The following PITPNM2 variants were observed in gnomAD, a reference collection of about 807,000 sequenced individuals.
The protein encoded by PITPNM2 is phosphatidylinositol transfer protein membrane associated 2, also known as membrane-associated phosphatidylinositol transfer protein 2.
Under a neutral mutation model 132.2 loss-of-function variants are expected in PITPNM2, and 35 were observed. That is an observed-to-expected ratio of 0.26 (90% CI 0.20 to 0.35). The LOEUF is 0.35. Among genes scored for constraint, PITPNM2 ranks in the 10% least tolerant of loss-of-function variants. PITPNM2 has a pLI of 1.00. For synonymous variants in PITPNM2, 738 were observed against 799.2 expected, an observed-to-expected ratio of 0.92 and a Z score of 1.29; for missense variants, 1,332 against 1,912.0, an observed-to-expected ratio of 0.70 and a Z score of 5.66.
rs1566226133 is a variant in PITPNM2, at chr12:122,985,913, CCCTGGGA to C, written c.*107_*113del. Reference sequence around the variant, plus strand: ...GGTGCGGCCCGTGTCCTCCACAAGGCCCTGGGACAATCTCCCAGGCCCACGTCAGTGC... The same window carrying C: ...GGTGCGGCCCGTGTCCTCCACAAGGCCAATCTCCCAGGCCCACGTCAGTGC... On this transcript the variant is annotated 3_prime_UTR_variant, in exon 26 of 26. Transcript: ENST00000320201. 9.9e-7 allele frequency: 1 copy of C among 1,011,778 alleles called. No homozygotes were observed. The highest frequency in any genetic ancestry group is 1.3e-6 in the Non-Finnish European group (1 of 755,150). The allele number at this position is 1,011,778 out of a possible 1,614,324, so 62.7% of individuals were successfully genotyped here. A position where few individuals can be genotyped will look rare whatever the true frequency, so the allele number is the denominator to read the frequency against.
At chr12:123,044,714 A>G (rs2040597454) in intron 2 of PITPNM2, among the ~76,000 whole-genome samples, 1 of 152,182 alleles carries the variant, frequency 6.6e-6, no homozygotes, top group Admixed American at 6.5e-5. Flanking sequence ...TACTTCAGTG[A>G]TTCAGTTCCT....
intron 2 of PITPNM2, among the ~76,000 whole-genome samples, chr12:123,047,937 A>G (rs1034182900): frequency 1.3e-5 from 2 of 152,110 alleles, no homozygotes; most frequent in Admixed American, 1.3e-4. Context: ...CGTATCTACT[A>G]AAAATACAAA....
chr12:123,077,176 CCAGA>C lies in PITPNM2; in HGVS notation c.-96+33205_-96+33208del, dbSNP rs890013781. 5.9e-5 allele frequency among the ~76,000 whole-genome samples: 9 copies of C among 152,302 alleles called. No individual in the cohort carries two copies. Among genetic ancestry groups the C allele is most frequent in the Admixed American group, 2.6e-4 (4 of 15,298 alleles). ...GGCTGTCCCAAACAGATGGTGCTATCCAGACAGACACACTGGCAGGGCCGCTCTG... is the reference window on the plus strand; with the variant it reads ...GGCTGTCCCAAACAGATGGTGCTATCCAGACACACTGGCAGGGCCGCTCTG... On this transcript the variant is annotated intron_variant, in intron 2 of 25. Coordinates refer to ENST00000320201, the MANE Select transcript of PITPNM2 (RefSeq NM_020845.3). This position sits in a 1 kb window ranked among gnomAD's most constrained non-coding sequence, Gnocchi z 4.8.
intron 2 of PITPNM2, chr12:123,081,952 T>C (rs2041978654): frequency 6.6e-6 from 1 of 152,246 alleles, no homozygotes; most frequent in Non-Finnish European, 1.5e-5. Context: ...AACCACTAAG[T>C]AAAGCATCAT....
At chr12:123,119,355 ATTT>A (rs57829614) in intron 1 of PITPNM2, among the ~76,000 whole-genome samples, 5 of 129,296 alleles carry the variant, frequency 3.9e-5, no homozygotes, top group Non-Finnish European at 3.3e-5. Context: ...GAGGATGGTG[ATTT>A]TTTTTTTTTT....
intron 2 of PITPNM2, among the ~76,000 whole-genome samples, chr12:123,103,082 C>T (rs765814631): frequency 1.3e-5 from 2 of 152,212 alleles, no homozygotes; most frequent in Non-Finnish European, 2.9e-5. Flanking sequence ...TACCACCACA[C>T]CAGGCTAACT....
intron 1 of PITPNM2, among the ~76,000 whole-genome samples, chr12:123,129,733 C>G (rs2043221883): frequency 6.6e-6 from 1 of 151,806 alleles, no homozygotes; most frequent in Non-Finnish European, 1.5e-5. Flanking sequence ...CATAATGAGT[C>G]CTGTGCTGGG....
In PITPNM2 at chr12:123,010,070, G is replaced by A. The variant is rs79081978; in HGVS notation, c.423C>T (p.Ile141=). ...VEKNQLTIDF[I]DIVKDPVPHN... ...GGGGCACAGGGTCTTTGACAATGTC[G>A]ATGAAGTCTGTGGGTAAACCCTTAG... Residue 141 remains isoleucine, a synonymous_variant, in exon 6 of 26, where the codon ATC becomes ATT. Coordinates refer to ENST00000320201, the MANE Select transcript of PITPNM2 (RefSeq NM_020845.3). 7.4e-6 allele frequency: 12 copies of A among 1,613,194 alleles called. No individual in the cohort carries two copies. In the East Asian group the frequency reaches 1.1e-4, roughly 15 times the overall value.
intron 2 of PITPNM2, among the ~76,000 whole-genome samples, chr12:123,102,427 A>C (rs2042583846): frequency 6.6e-6 from 1 of 152,242 alleles, no homozygotes; most frequent in African/African-American, 2.4e-5. Context: ...AGTAATTTCC[A>C]AGTTGTCATT....
At chr12:123,029,235 T>C (rs2039984121) in intron 3 of PITPNM2, among the ~76,000 whole-genome samples, 1 of 152,210 alleles carries the variant, frequency 6.6e-6, no homozygotes, top group African/African-American at 2.4e-5. Context: ...CCTGTGGACC[T>C]CAATTTCCCC....
intron 2 of PITPNM2, among the ~76,000 whole-genome samples, chr12:123,105,930 C>T (rs2042699242): frequency 1.3e-5 from 2 of 152,182 alleles, no homozygotes; most frequent in Admixed American, 1.3e-4. Flanking sequence ...GACAGCAGGG[C>T]ACCCGGCCTC....
chr12:122,986,598 G>A (rs1166562035), intron 24 of PITPNM2, 34 bp from the exon 25 acceptor site: 7 of 1,599,628 alleles, frequency 4.4e-6, no homozygotes, highest in South Asian at 3.3e-5. Context: ...CAGGCACCAT[G>A]GTCCCTCTGC....
chr12:123,096,077 T>G lies in PITPNM2; in HGVS notation c.-96+14308A>C, dbSNP rs144022355. On this transcript the variant is annotated intron_variant, in intron 2 of 25. Transcript: ENST00000320201. The stretch of plus-strand genomic sequence containing the variant: ...ATGATGGATCCATACACATGTCGCC[T>G]GCTCAGGGAGCCAAAGTGGCCCCGT... 9.1e-3 allele frequency among the ~76,000 whole-genome samples: 1,391 copies of G among 152,378 alleles called. 22 individuals carry two copies. Among genetic ancestry groups the G allele is most frequent in the African/African-American group, 0.031 (1,303 of 41,586 alleles).
Position 122,994,725 on chromosome 12 carries a change from T to G in PITPNM2, c.2233+76A>C. 6.8e-7 allele frequency: 1 copy of G among 1,468,816 alleles called. No homozygotes were observed. Among genetic ancestry groups the G allele is most frequent in the Non-Finnish European group, 9.1e-7 (1 of 1,098,320 alleles). 91.0% of individuals were successfully genotyped at this position (1,468,816 alleles called of 1,614,324 possible). On this transcript the variant is annotated intron_variant, in intron 15 of 25. Coordinates refer to ENST00000320201, the MANE Select transcript of PITPNM2 (RefSeq NM_020845.3). This position sits in a 1 kb window ranked among gnomAD's most constrained non-coding sequence, Gnocchi z 5.4. The stretch of plus-strand genomic sequence containing the variant: ...GGCCTGGGACGTGGCCATGATCTCA[T>G]CACAGGGGTCCACTGAGACCCCCGC...
chr12:123,144,187 G>A (rs891349254), intron 1 of PITPNM2, among the ~76,000 whole-genome samples: 3 of 152,190 alleles, frequency 2.0e-5, no homozygotes, highest in Non-Finnish European at 2.9e-5. Flanking sequence ...ATGGAAACAC[G>A]TGTCCTTTTT....
chr12:123,131,401 T>C (rs1008628860), intron 1 of PITPNM2, among the ~76,000 whole-genome samples: 8 of 152,218 alleles, frequency 5.3e-5, no homozygotes, highest in Non-Finnish European at 7.3e-5. Flanking sequence ...CAGATACTCG[T>C]TGCGGTCTCT....
chr12:123,005,710 T>A lies in PITPNM2; in HGVS notation c.644-162A>T, dbSNP rs2038898738. 1.5e-6 allele frequency: 1 copy of A among 652,458 alleles called. No individual in the cohort carries two copies. The highest frequency in any genetic ancestry group is 1.9e-5 in the South Asian group (1 of 51,534). 40.4% of individuals were successfully genotyped at this position (652,458 alleles called of 1,614,324 possible). The stretch of plus-strand genomic sequence containing the variant: ...GTCTGTGCCTCAGTTTCCCCATTTG[T>A]AAAATAAGGGGACTGGCTCACAGAT... On this transcript the variant is annotated intron_variant, in intron 6 of 25. Transcript: ENST00000320201. This position sits in a 1 kb window ranked among gnomAD's most constrained non-coding sequence, Gnocchi z 6.2.
intron 2 of PITPNM2, among the ~76,000 whole-genome samples, chr12:123,040,467 T>C (rs2040425564): frequency 2.0e-5 from 3 of 152,214 alleles, no homozygotes; most frequent in Admixed American, 6.5e-5. Flanking sequence ...AATGAGTATA[T>C]GTATGGTATG....
intron 3 of PITPNM2, among the ~76,000 whole-genome samples, chr12:123,032,768 G>T (rs958952327): frequency 1.3e-5 from 2 of 152,188 alleles, no homozygotes; most frequent in African/African-American, 2.4e-5. Flanking sequence ...AGAGATGGGG[G>T]GCTGATTTAA....
Sources: gnomAD v4.1 joint callset for allele counts (sites outside exome capture counted in the v4.1 genomes callset) on GRCh38, gnomAD v4.1.1 for gene constraint, Gnocchi (gnomAD v3.1) non-coding constraint, MANE v1.5 for transcripts, NCBI Gene and HGNC (gene_info 2026-07-23, HGNC 2026-07-21) for gene names.